The following RAB40B variants were observed in gnomAD, a reference collection of about 807,000 sequenced individuals.
RAB40B encodes RAB40B, member RAS oncogene family.
In RAB40B, 21 loss-of-function variants were observed where a neutral mutation model predicts 24.0. That is an observed-to-expected ratio of 0.88 (90% CI 0.62 to 1.26). The LOEUF is 1.26. RAB40B is among the 50% of genes most tolerant of loss of function. The pLI is 0.00. For missense variants in RAB40B, 348 were observed against 390.5 expected (o/e 0.89, Z 0.92); for synonymous variants, 167 against 169.8 (o/e 0.98, Z 0.13).
At chr17:82,666,947 C>A (rs1434127199) in intron 1 of RAB40B, among the ~76,000 whole-genome samples, 2 of 152,178 alleles carry the variant, frequency 1.3e-5, no homozygotes, top group Non-Finnish European at 2.9e-5. Flanking sequence ...ACAAGTATGG[C>A]TGAATAGGGA....
At position 82,689,698 on chromosome 17, in the gene RAB40B, G is replaced by A. The variant is rs190309815; in HGVS notation, c.142+8757C>T. On this transcript the variant is annotated intron_variant, in intron 1 of 5. Coordinates refer to ENST00000571995, the MANE Select transcript of RAB40B (RefSeq NM_006822.3). Reference sequence around the variant, plus strand: ...AAGAAGTAGAAAACTGGCCGGGCACGTGGCTCACACCTGTAATCCCAGCAC... The same window carrying A: ...AAGAAGTAGAAAACTGGCCGGGCACATGGCTCACACCTGTAATCCCAGCAC... Among the ~76,000 whole-genome samples the A allele has an allele frequency of 3.3e-5, 5 of 152,296 alleles. No individual in the cohort carries two copies. In the East Asian group the frequency reaches 9.6e-4, roughly 29 times the overall value.
Position 82,657,487 on chromosome 17 carries a change from C to G in RAB40B, c.*376G>C, listed in dbSNP as rs2046097211. The G allele has an allele frequency of 3.3e-5, 12 of 359,892 alleles. 1 individual carries two copies. Among genetic ancestry groups the G allele is most frequent in the South Asian group, 2.6e-4 (12 of 45,374 alleles). 22.3% of individuals were successfully genotyped at this position (359,892 alleles called of 1,614,324 possible). A position where few individuals can be genotyped will look rare whatever the true frequency, so the allele number is the denominator to read the frequency against. On this transcript the variant is annotated 3_prime_UTR_variant, in exon 6 of 6. Transcript: ENST00000571995. Reference sequence around the variant, plus strand: ...TCAGTGACTCTAAATTATCCCGCTGCCATTGCTTCTCAAATTCCATTGAAT... The same window carrying G: ...TCAGTGACTCTAAATTATCCCGCTGGCATTGCTTCTCAAATTCCATTGAAT...
intron 1 of RAB40B, among the ~76,000 whole-genome samples, chr17:82,684,084 G>A (rs2046472273): frequency 6.6e-6 from 1 of 151,932 alleles, no homozygotes; most frequent in Non-Finnish European, 1.5e-5. Context: ...AGCTGGGTGT[G>A]GTGGCAGGCA....
rs377625038 is a variant in RAB40B, at chr17:82,663,982, C to T, written c.203+514G>A. On this transcript the variant is annotated intron_variant, in intron 2 of 5. Coordinates refer to ENST00000571995, the MANE Select transcript of RAB40B (RefSeq NM_006822.3). The surrounding 1 kb of genome is among the most constrained non-coding windows in gnomAD (Gnocchi z 6.2). ...GGTGCTCCCCGGGGCGCTGTGCCGA[C>T]GGTGGTGGTGGGAGGGTGTTCCCGG... Among the ~76,000 whole-genome samples, 244 of 133,586 alleles carry T rather than the reference C, an allele frequency of 1.8e-3. No individual in the cohort carries two copies. The highest frequency in any genetic ancestry group is 5.5e-3 in the African/African-American group (193 of 35,150). 87.6% of individuals were successfully genotyped at this position (133,586 alleles called of 152,430 possible).
intron 3 of RAB40B, among the ~76,000 whole-genome samples, chr17:82,660,327 CAG>C (rs1460580060): frequency 1.3e-5 from 2 of 151,938 alleles, no homozygotes; most frequent in East Asian, 1.9e-4. Context: ...GACTCATACA[CAG>C]GGCACGTACC....
At chr17:82,694,887 A>C (rs2046592923) in intron 1 of RAB40B, among the ~76,000 whole-genome samples, 2 of 151,818 alleles carry the variant, frequency 1.3e-5, no homozygotes, top group Admixed American at 1.3e-4. Flanking sequence ...TCTCAGACAC[A>C]AAAAAACACT....
At chr17:82,658,778 G>T in intron 4 of RAB40B, 65 bp from the exon 5 acceptor site, 1 of 1,456,180 alleles carries the variant, frequency 6.9e-7, no homozygotes, top group Non-Finnish European at 9.3e-7. Context: ...TCGTCGTAAT[G>T]TGGGTGCTCT....
At chr17:82,689,641 T>G (rs1037808542) in intron 1 of RAB40B, among the ~76,000 whole-genome samples, 7 of 152,222 alleles carry the variant, frequency 4.6e-5, no homozygotes, top group Non-Finnish European at 1.0e-4. Context: ...TTTTAAAAAT[T>G]AATTTTCTCA....
intron 1 of RAB40B, among the ~76,000 whole-genome samples, chr17:82,677,320 C>T (rs889013268): frequency 1.3e-5 from 2 of 152,200 alleles, no homozygotes; most frequent in Non-Finnish European, 2.9e-5. Flanking sequence ...GAATTTCTTC[C>T]AAGTCCCAGG....
At chr17:82,678,879 G>GTTT (rs35848277) in intron 1 of RAB40B, among the ~76,000 whole-genome samples, 1,426 of 99,100 alleles carry the variant, frequency 0.014, 93 homozygotes, top group African/African-American at 0.033. Flanking sequence ...CCCTTTCTGC[G>GTTT]TTTTTTTTTT....
chr17:82,671,205 AAC>A (rs201888700), intron 1 of RAB40B, among the ~76,000 whole-genome samples: 2 of 49,672 alleles, frequency 4.0e-5, no homozygotes, highest in East Asian at 5.7e-4. Context: ...CCGTAACTCT[AAC>A]ACACACTCAC....
intron 1 of RAB40B, among the ~76,000 whole-genome samples, chr17:82,682,104 TAC>T (rs758485165): frequency 1.9e-5 from 2 of 103,370 alleles, no homozygotes; most frequent in Non-Finnish European, 2.0e-5. Context: ...GACATTACTA[TAC>T]ACACACACAC....
intron 1 of RAB40B, chr17:82,664,965 T>G (rs2046236247): frequency 5.3e-6 from 1 of 190,136 alleles, no homozygotes; most frequent in Non-Finnish European, 1.1e-5. Context: ...CTCAGCTCTG[T>G]TTCCAAGGGA....
rs1358426672 is a variant in RAB40B, at chr17:82,659,634, A to T, written c.288T>A (p.Ile96=). The T allele has an allele frequency of 1.2e-6, 2 of 1,614,062 alleles. No homozygotes were observed. The highest frequency in any genetic ancestry group is 1.3e-5 in the African/African-American group (1 of 74,928). ...GAQGVILVYD[I]ANRWSFDGID... is the part of the protein sequence containing the mutation. ...TGCCGTCAAAAGACCAGCGGTTCGCAATGTCATAGACCAGGATCACACCCT... is the reference window on the plus strand; with the variant it reads ...TGCCGTCAAAAGACCAGCGGTTCGCTATGTCATAGACCAGGATCACACCCT... The change falls in exon 4 of 6, where the codon ATT becomes ATA. Residue 96 remains isoleucine, a synonymous_variant. Transcript: ENST00000571995.
intron 1 of RAB40B, among the ~76,000 whole-genome samples, chr17:82,680,379 G>A (rs925842704): frequency 5.3e-5 from 8 of 152,290 alleles, no homozygotes; most frequent in African/African-American, 1.9e-4. Flanking sequence ...CCGCTCGGGG[G>A]ACGGGACGGC....
intron 1 of RAB40B, among the ~76,000 whole-genome samples, chr17:82,687,679 G>A (rs995006631): frequency 2.0e-5 from 3 of 152,220 alleles, no homozygotes; most frequent in African/African-American, 7.2e-5. Context: ...TGTGAGAGGT[G>A]CTGGCATCCT....
chr17:82,658,988 G>A (rs2046125721), intron 4 of RAB40B: 1 of 432,388 alleles, frequency 2.3e-6, no homozygotes, highest in Non-Finnish European at 4.2e-6. Context: ...GCAGAGGCTG[G>A]AGCGGTGCAG....
In RAB40B at chr17:82,663,859, G is replaced by A. The variant is rs1418764054; in HGVS notation, c.203+637C>T. 2.0e-5 allele frequency among the ~76,000 whole-genome samples: 3 copies of A among 152,198 alleles called. No homozygotes were observed. Among genetic ancestry groups the A allele is most frequent in the African/African-American group, 4.8e-5 (2 of 41,452 alleles). On this transcript the variant is annotated intron_variant, in intron 2 of 5. Coordinates refer to ENST00000571995, the MANE Select transcript of RAB40B (RefSeq NM_006822.3). The surrounding 1 kb of genome is among the most constrained non-coding windows in gnomAD (Gnocchi z 6.2). ...CCAAAAGCCGATTCCCAGCCACAGC[G>A]CTATGTCCGTTCTGGGGTCCCCTAC...
chr17:82,692,427 A>G lies in RAB40B; in HGVS notation c.142+6028T>C, dbSNP rs972497037. On this transcript the variant is annotated intron_variant, in intron 1 of 5. Coordinates refer to ENST00000571995, the MANE Select transcript of RAB40B (RefSeq NM_006822.3). The surrounding 1 kb of genome is among the most constrained non-coding windows in gnomAD (Gnocchi z 4.0). ...ACACCTGGGCACAGCTGCCTGAGCAAGGACAAGATGCATCTGACTGCCCTG... is the reference window on the plus strand; with the variant it reads ...ACACCTGGGCACAGCTGCCTGAGCAGGGACAAGATGCATCTGACTGCCCTG... Among the ~76,000 whole-genome samples, 6 of 152,228 alleles carry G rather than the reference A, an allele frequency of 3.9e-5. No homozygotes were observed. Among genetic ancestry groups the G allele is most frequent in the Non-Finnish European group, 5.9e-5 (4 of 68,042 alleles).
Sources: allele counts gnomAD v4.1 joint callset (sites outside exome capture counted in the v4.1 genomes callset), GRCh38; gene constraint gnomAD v4.1.1; non-coding constraint Gnocchi (gnomAD v3.1); transcripts MANE v1.5; gene names NCBI Gene and HGNC (gene_info 2026-07-23, HGNC 2026-07-21).